Variants in EXOSC5 observed in about 807,000 individuals in gnomAD.
EXOSC5 encodes exosome component 5, also known as exosome complex component RRP46.
In EXOSC5, 15 loss-of-function variants were observed where a neutral mutation model predicts 23.7. The ratio of observed to expected loss-of-function variants is 0.63; its 90% CI spans 0.42 to 0.97. The LOEUF (loss-of-function observed/expected upper bound fraction) is 0.97. Among genes scored for constraint, EXOSC5 ranks in the 50% least tolerant of loss-of-function variants. EXOSC5 has a pLI of 0.00. For synonymous variants in EXOSC5, 143 were observed against 140.9 expected (o/e 1.02, Z -0.11); for missense variants, 305 against 316.3 (o/e 0.96, Z 0.27).
At chr19:41,390,515 T>C (rs773084009) in intron 3 of EXOSC5, among the ~76,000 whole-genome samples, 1 of 152,138 alleles carries the variant, frequency 6.6e-6, no homozygotes, top group Non-Finnish European at 1.5e-5. Flanking sequence ...TACCACACAT[T>C]TGTTGGCAAA....
intron 1 of EXOSC5, 101 bp from the exon 2 acceptor site, chr19:41,393,081 G>A (rs1256449888): frequency 2.3e-5 from 19 of 838,622 alleles, no homozygotes; most frequent in African/African-American, 8.4e-5. Context: ...CGTCACCCCC[G>A]CCATTTGTTG....
intron 5 of EXOSC5, 24 bp from the exon 6 acceptor site, chr19:41,386,749 G>A: frequency 6.4e-7 from 1 of 1,553,252 alleles, no homozygotes; most frequent in Non-Finnish European, 8.7e-7. Context: ...ACTGGTCGGT[G>A]CTGGGGGCCG....
At chr19:41,393,220 G>A (rs991178078) in intron 1 of EXOSC5, among the ~76,000 whole-genome samples, 3 of 152,202 alleles carry the variant, frequency 2.0e-5, no homozygotes, top group Non-Finnish European at 4.4e-5. Flanking sequence ...AACACTGCGG[G>A]GCTCACGCTG....
At chr19:41,395,410 C>G (rs761456958) in intron 1 of EXOSC5, among the ~76,000 whole-genome samples, 2 of 152,176 alleles carry the variant, frequency 1.3e-5, no homozygotes, top group Non-Finnish European at 1.5e-5. Flanking sequence ...TCCAGCAATT[C>G]TCTCCCCTGT....
At chr19:41,396,617 CTTTT>C (rs60285872) in intron 1 of EXOSC5, among the ~76,000 whole-genome samples, 70,720 of 129,592 alleles carry the variant, frequency 0.55, 18,087 homozygotes, top group South Asian at 0.57. Flanking sequence ...TTGCCCTAAT[CTTTT>C]TTTTTTTTTT....
rs1414295891 is a variant in EXOSC5, at chr19:41,386,680, A to ATC, written c.660_661insGA (p.Phe221AspfsTer58). 7.5e-6 allele frequency: 12 copies of ATC among 1,604,282 alleles called. No individual in the cohort carries two copies. Among genetic ancestry groups the ATC allele is most frequent in the Non-Finnish European group, 9.4e-6 (11 of 1,175,980 alleles). ...TGCAGCGATTCCCGGTAGAAACGGA[A>ATC]GACGTGTTGCGAAGCGGCCTGGGCC... On this transcript the variant is annotated frameshift_variant, in exon 6 of 6. Transcript: ENST00000221233. LOFTEE classifies it high-confidence loss of function.
intron 1 of EXOSC5, among the ~76,000 whole-genome samples, chr19:41,396,789 A>T (rs986609102): frequency 7.0e-6 from 1 of 142,368 alleles, no homozygotes; most frequent in Non-Finnish European, 1.5e-5. Context: ...ACAGTATGCA[A>T]ATAGACAGGT....
At chr19:41,392,283 G>A (rs1261844978) in intron 2 of EXOSC5, 5 of 355,696 alleles carry the variant, frequency 1.4e-5, no homozygotes, top group African/African-American at 8.7e-5. Flanking sequence ...GTAAAAGGGT[G>A]GAAAAACAGG....
chr19:41,397,164 C>G lies in EXOSC5; in HGVS notation c.148+17G>C. 6.2e-7 allele frequency: 1 copy of G among 1,611,948 alleles called. No individual in the cohort carries two copies. Among genetic ancestry groups the G allele is most frequent in the Non-Finnish European group, 8.5e-7 (1 of 1,178,282 alleles). On this transcript the variant is annotated intron_variant, in intron 1 of 5. Coordinates refer to ENST00000221233, the MANE Select transcript of EXOSC5 (RefSeq NM_020158.4). ...GGTAGTCCCTCTCCAAAAGAAAGAC[C>G]TGGGTGAAGTTCTTACCTTGCAGGA...
intron 1 of EXOSC5, among the ~76,000 whole-genome samples, chr19:41,394,424 A>C (rs1274313491): frequency 6.6e-6 from 1 of 151,088 alleles, no homozygotes; most frequent in African/African-American, 2.4e-5. Flanking sequence ...GGTGGCTCAC[A>C]CCTGTAATCC....
chr19:41,394,720 G>T (rs2039048808), intron 1 of EXOSC5, among the ~76,000 whole-genome samples: 1 of 151,986 alleles, frequency 6.6e-6, no homozygotes, highest in South Asian at 2.1e-4. Context: ...TTTTCACCAT[G>T]TTGGCCAATC....
Position 41,392,951 on chromosome 19 carries a change from C to G in EXOSC5, c.178G>C (p.Gly60Arg). Reference sequence around the variant, plus strand: ...TTGCTGACCTTCACCTCGGCCGGCCCGTACACACCCGCCAGGACAGAGGTG... The same window carrying G: ...TTGCTGACCTTCACCTCGGCCGGCCGGTACACACCCGCCAGGACAGAGGTG... ...GDTSVLAGVY[G>R]PAEVKVSKEI... The change falls in exon 2 of 6, where the codon GGG (glycine) becomes CGG (arginine). Residue 60 changes from glycine (G) to arginine (R), a missense_variant. Transcript: ENST00000221233. 1.9e-6 allele frequency: 3 copies of G among 1,613,376 alleles called. No individual in the cohort carries two copies. The highest frequency in any genetic ancestry group is 2.7e-5 in the African/African-American group (2 of 75,006).
In EXOSC5 at chr19:41,390,850, T is replaced by C. The variant is rs185031095; in HGVS notation, c.385-945A>G. On this transcript the variant is annotated intron_variant, in intron 3 of 5. Transcript: ENST00000221233. ...GGCTTCACTTTCCACTTCTGTAAAA[T>C]GGGGTCACAATACCTTCTCTCTCTG... Among the ~76,000 whole-genome samples, 230 of 152,318 alleles carry C rather than the reference T, an allele frequency of 1.5e-3. 3 individuals are homozygous for C. Among genetic ancestry groups the C allele is most frequent in the Admixed American group, 7.1e-3 (109 of 15,288 alleles).
intron 1 of EXOSC5, among the ~76,000 whole-genome samples, chr19:41,396,648 A>G (rs1017201079): frequency 7.2e-4 from 61 of 84,520 alleles, no homozygotes; most frequent in Admixed American, 3.7e-4. Flanking sequence ...GACTTGCCCT[A>G]ATCTTAGGGA....
chr19:41,397,119 C>T, intron 1 of EXOSC5, 62 bp downstream of exon 1: 1 of 1,536,326 alleles, frequency 6.5e-7, no homozygotes, highest in Non-Finnish European at 8.9e-7. Context: ...AGGAGGTGGG[C>T]ACTCGGTTGC....
chr19:41,387,757 G>T (rs1400161443), intron 4 of EXOSC5, among the ~76,000 whole-genome samples, 154 bp from the exon 5 acceptor site: 1 of 134,774 alleles, frequency 7.4e-6, no homozygotes, highest in African/African-American at 2.9e-5. Context: ...AGAAACTCAA[G>T]ACCAATCTGG....
chr19:41,391,994 C>T (rs1168576566), intron 2 of EXOSC5, 32 bp from the exon 3 acceptor site: 3 of 1,566,562 alleles, frequency 1.9e-6, no homozygotes, highest in Non-Finnish European at 2.6e-6. Context: ...TCAGGGTCTT[C>T]CCCTTCATTT....
chr19:41,386,467 G>A lies in EXOSC5; in HGVS notation c.*166C>T. ...GGGGGGATCTGTGCCCCCAGGCCTG[G>A]GGGCTGTCACAGGCCAAGGCCTCCC... On this transcript the variant is annotated 3_prime_UTR_variant, in exon 6 of 6. Coordinates refer to ENST00000221233, the MANE Select transcript of EXOSC5 (RefSeq NM_020158.4). 1.7e-6 allele frequency: 1 copy of A among 591,732 alleles called. No individual in the cohort carries two copies. Among genetic ancestry groups the A allele is most frequent in the Admixed American group, 3.1e-5 (1 of 32,386 alleles). The allele number at this position is 591,732 out of a possible 1,614,324, so 36.7% of individuals were successfully genotyped here.
chr19:41,392,789 G>C (rs1203706372), intron 2 of EXOSC5, 78 bp downstream of exon 2: 1 of 1,325,168 alleles, frequency 7.5e-7, no homozygotes, highest in Admixed American at 1.8e-5. Context: ...GGAGACTCGG[G>C]GCAGCTGGTA....
Sources: allele counts gnomAD v4.1 joint callset (sites outside exome capture counted in the v4.1 genomes callset), GRCh38; gene constraint gnomAD v4.1.1; transcripts MANE v1.5; gene names NCBI Gene and HGNC (gene_info 2026-07-23, HGNC 2026-07-21).